Variants in BNC2 observed in about 807,000 individuals in gnomAD.
BNC2 encodes basonuclin zinc finger protein 2.
A neutral mutation model predicts 76.3 loss-of-function variants in BNC2; 20 were observed. That is an observed-to-expected ratio of 0.26 (90% CI 0.18 to 0.38). The LOEUF (loss-of-function observed/expected upper bound fraction) is 0.38, where lower values mean the gene tolerates loss of function less well. Ranked by LOEUF, BNC2 falls within the 10% of genes least tolerant of loss-of-function variation. BNC2 has a pLI of 1.00. For missense variants in BNC2, 1,382 were observed against 1,399.8 expected (o/e 0.99, Z 0.20); for synonymous variants, 582 against 514.8 (o/e 1.13, Z -1.77).
At chr9:16,474,812 C>G (rs1323321548) in intron 5 of BNC2, among the ~76,000 whole-genome samples, 1 of 151,904 alleles carries the variant, frequency 6.6e-6, no homozygotes, top group Non-Finnish European at 1.5e-5. Context: ...ATTCACATAC[C>G]ATAGTAATTC....
At chr9:16,492,518 T>C (rs12056994) in intron 5 of BNC2, among the ~76,000 whole-genome samples, 24,194 of 152,164 alleles carry the variant, frequency 0.16, 2,064 homozygotes, top group East Asian at 0.31. Flanking sequence ...AATTTTCTAC[T>C]GCATATGATT....
At chr9:16,685,199 T>C (rs1188588460) in intron 3 of BNC2, among the ~76,000 whole-genome samples, 3 of 152,206 alleles carry the variant, frequency 2.0e-5, no homozygotes, top group Non-Finnish European at 4.4e-5. Context: ...CATCACCTTG[T>C]GTGGTAAATC....
At chr9:16,572,648 G>A (rs1458872816) in intron 4 of BNC2, among the ~76,000 whole-genome samples, 1 of 152,146 alleles carries the variant, frequency 6.6e-6, no homozygotes, top group African/African-American at 2.4e-5. Flanking sequence ...TTGCTCCGGG[G>A]GTGGGGAGTG....
chr9:16,713,398 G>T (rs969006654), intron 3 of BNC2, among the ~76,000 whole-genome samples: 2 of 150,466 alleles, frequency 1.3e-5, no homozygotes, highest in Non-Finnish European at 2.9e-5. Flanking sequence ...ACTGAACTGG[G>T]AAATTTTTCA....
chr9:16,655,820 G>A (rs546507153), intron 3 of BNC2, among the ~76,000 whole-genome samples: 5 of 152,268 alleles, frequency 3.3e-5, no homozygotes, highest in Admixed American at 6.5e-5. Context: ...AGCAGCGAAC[G>A]ACTGTCCTGG....
chr9:16,576,579 CAT>C (rs1381149200), intron 4 of BNC2, among the ~76,000 whole-genome samples: 6 of 152,194 alleles, frequency 3.9e-5, no homozygotes, highest in African/African-American at 7.2e-5. Flanking sequence ...ATAATAAAGA[CAT>C]GTGAACTTTC....
chr9:16,776,171 C>T (rs1205764346), intron 1 of BNC2, among the ~76,000 whole-genome samples: 3 of 151,106 alleles, frequency 2.0e-5, no homozygotes, highest in Non-Finnish European at 2.9e-5. Flanking sequence ...GGGAGTTTCG[C>T]TCTTGTCGCC....
rs1824741044 is a variant in BNC2, at chr9:16,738,379, A to G, written c.110T>C (p.Val37Ala). Reference protein sequence around the residue: ...PAYFKVPCCGVDTSQIESEEA... With the variant: ...PAYFKVPCCGADTSQIESEEA... ...ACATACCTCAATTTGAGATGTATCAACCCCACAACATGGGACCTTGAAATA... is the reference window on the plus strand; with the variant it reads ...ACATACCTCAATTTGAGATGTATCAGCCCCACAACATGGGACCTTGAAATA... The change falls in exon 2 of 7, where the codon GTT becomes GCT. Residue 37 changes from valine to alanine, a missense_variant. By Grantham distance (64) the Val-to-Ala change is moderately conservative. Around this residue, in one of 3 missense-constraint regions of BNC2, gnomAD observed 557 missense variants for 540.9 expected, o/e 1.03. Transcript: ENST00000380672. 2.5e-6 allele frequency: 4 copies of G among 1,613,910 alleles called. No homozygotes were observed. The highest frequency in any genetic ancestry group is 3.4e-6 in the Non-Finnish European group (4 of 1,179,992).
In BNC2 at chr9:16,435,696, T is replaced by A. The variant is rs1820993509; in HGVS notation, c.2498A>T (p.Lys833Ile). The change falls in exon 6 of 7, where the codon AAA becomes ATA. Residue 833 changes from lysine to isoleucine, a missense_variant. Physicochemically the swap from Lys to Ile is moderately radical, Grantham distance 102. Around this residue, in one of 3 missense-constraint regions of BNC2, gnomAD observed 798 missense variants for 775.5 expected, o/e 1.03. Transcript: ENST00000380672. The part of the protein sequence containing the change: ...EGDLCSSPDP[K>I]ICYVCKKSFK... The stretch of plus-strand genomic sequence containing the variant: ...ACTCTTCTTGCACACATAACAGATT[T>A]TGGGGTCTGGGCTAGAACATAGGTC... 6.2e-7 allele frequency: 1 copy of A among 1,613,988 alleles called. No homozygotes were observed. The highest frequency in any genetic ancestry group is 1.3e-5 in the African/African-American group (1 of 74,912).
chr9:16,845,945 T>A (rs1009956225), intron 1 of BNC2, among the ~76,000 whole-genome samples: 1 of 151,568 alleles, frequency 6.6e-6, no homozygotes, highest in Non-Finnish European at 1.5e-5. Flanking sequence ...GTCAGGAGAT[T>A]GAGACCATCC....
intron 3 of BNC2, among the ~76,000 whole-genome samples, chr9:16,711,902 C>G (rs552862359): frequency 8.5e-5 from 13 of 152,302 alleles, no homozygotes; most frequent in African/African-American, 2.9e-4. Context: ...TTTTAAATCC[C>G]TAATCGCTCA....
rs1374823674 is a variant in BNC2, at chr9:16,436,471, T to G, written c.1723A>C (p.Ser575Arg). ...TVQPVPPFYR[S>R]LLTPGEMVSP... Reference sequence around the variant, plus strand: ...ACCATTTCCCCTGGAGTGAGTAAACTTCTATAAAATGGAGGAACTGGTTGT... The same window carrying G: ...ACCATTTCCCCTGGAGTGAGTAAACGTCTATAAAATGGAGGAACTGGTTGT... The change falls in exon 6 of 7, where the codon AGT becomes CGT. Residue 575 changes from serine (S) to arginine (R), a missense_variant. This residue lies in a region of BNC2 where 798 missense variants were observed against 775.5 expected (regional missense o/e 1.03). Coordinates refer to ENST00000380672, the MANE Select transcript of BNC2 (RefSeq NM_017637.6). 1 of 1,613,912 alleles carries G rather than the reference T, an allele frequency of 6.2e-7. No homozygotes were observed. The highest frequency in any genetic ancestry group is 8.5e-7 in the Non-Finnish European group (1 of 1,180,028).
chr9:16,838,509 C>T (rs375966056), intron 1 of BNC2, among the ~76,000 whole-genome samples: 3 of 152,232 alleles, frequency 2.0e-5, no homozygotes, highest in African/African-American at 7.2e-5. Flanking sequence ...TGCAGTGAGC[C>T]AAGAGCACTC....
At chr9:16,651,060 T>C (rs1408820306) in intron 3 of BNC2, among the ~76,000 whole-genome samples, 1 of 152,186 alleles carries the variant, frequency 6.6e-6, no homozygotes, top group African/African-American at 2.4e-5. Flanking sequence ...ACTCATCCTA[T>C]TCCACAGGGA....
At chr9:16,841,259 A>C (rs1339658938) in intron 1 of BNC2, among the ~76,000 whole-genome samples, 1 of 152,218 alleles carries the variant, frequency 6.6e-6, no homozygotes, top group Non-Finnish European at 1.5e-5. Flanking sequence ...AAGCAATGAC[A>C]GTTATTACCC....
chr9:16,722,138 C>T (rs1325975182), intron 3 of BNC2, among the ~76,000 whole-genome samples: 1 of 152,200 alleles, frequency 6.6e-6, no homozygotes, highest in Non-Finnish European at 1.5e-5. Context: ...GACGCCAGCT[C>T]ACTATCTGTA....
chr9:16,676,004 G>A (rs1822629021), intron 3 of BNC2, among the ~76,000 whole-genome samples: 1 of 152,162 alleles, frequency 6.6e-6, no homozygotes. Context: ...GGCAGAGATT[G>A]CAGTGAGCCA....
At chr9:16,482,241 A>G (rs1339447819) in intron 5 of BNC2, among the ~76,000 whole-genome samples, 1 of 152,248 alleles carries the variant, frequency 6.6e-6, no homozygotes. Flanking sequence ...GTCTTCCAGC[A>G]GATTGCATCA....
At chr9:16,595,137 G>T (rs1820031041) in intron 3 of BNC2, among the ~76,000 whole-genome samples, 1 of 152,086 alleles carries the variant, frequency 6.6e-6, no homozygotes, top group Non-Finnish European at 1.5e-5. Context: ...TGAAAACAGT[G>T]AGACAAGATA....
Sources: gnomAD v4.1 joint callset for allele counts (sites outside exome capture counted in the v4.1 genomes callset) on GRCh38, gnomAD v4.1.1 for gene constraint, gnomAD v4.1.1 regional missense constraint, MANE v1.5 for transcripts, NCBI Gene and HGNC (gene_info 2026-07-23, HGNC 2026-07-21) for gene names.